Variants in FRAS1 observed in about 807,000 individuals in gnomAD.
FRAS1 encodes extracellular matrix organizing protein FRAS1.
Under a neutral mutation model 435.2 loss-of-function variants are expected in FRAS1, and 290 were observed. The observed-to-expected ratio is 0.67, with a 90% CI of 0.61 to 0.73. The LOEUF is 0.73. Ranked by LOEUF, FRAS1 falls within the 30% of genes least tolerant of loss-of-function variation. The pLI, the probability that FRAS1 is intolerant of heterozygous loss-of-function variation, is 0.00. For synonymous variants in FRAS1, 1,800 were observed against 1,851.0 expected (o/e 0.97, Z 0.71); for missense variants, 4,860 against 5,001.5 (o/e 0.97, Z 0.85).
Position 78,254,915 on chromosome 4 carries a change from C to T in FRAS1, c.470-327C>T, listed in dbSNP as rs149244381. On this transcript the variant is annotated intron_variant, in intron 5 of 73. Coordinates refer to ENST00000512123, the MANE Select transcript of FRAS1 (RefSeq NM_025074.7). The stretch of plus-strand genomic sequence containing the variant: ...CTACCCTGTGACTTGGTGCATAGGG[C>T]GCATGCAACCTCCTGGCACCAGCCC... Among the ~76,000 whole-genome samples the T allele has an allele frequency of 2.4e-4, 37 of 152,158 alleles. 1 individual carries two copies. Among genetic ancestry groups the T allele is most frequent in the African/African-American group, 6.7e-4 (28 of 41,502 alleles).
intron 2 of FRAS1, among the ~76,000 whole-genome samples, chr4:78,086,385 C>T (rs1320627782): frequency 6.6e-6 from 1 of 152,102 alleles, no homozygotes; most frequent in African/African-American, 2.4e-5. Flanking sequence ...CAAGAGCAAA[C>T]ACATTCAAAA....
chr4:78,404,417 A>G (rs1733023398), intron 30 of FRAS1, among the ~76,000 whole-genome samples: 1 of 151,968 alleles, frequency 6.6e-6, no homozygotes. Flanking sequence ...CAAAAAAAAA[A>G]AAAAAGAAGA....
intron 42 of FRAS1, chr4:78,446,276 A>AG: frequency 2.0e-6 from 2 of 1,006,622 alleles, no homozygotes; most frequent in Non-Finnish European, 2.4e-6. Flanking sequence ...AGTGGTGGAA[A>AG]GGGGCTGGCA....
At chr4:78,527,058 G>GA (rs1478664774) in intron 70 of FRAS1, among the ~76,000 whole-genome samples, 2 of 152,110 alleles carry the variant, frequency 1.3e-5, no homozygotes, top group Non-Finnish European at 2.9e-5. Flanking sequence ...CAATAGAAAT[G>GA]AATCAACAAT....
At chr4:78,149,262 T>G (rs547973812) in intron 2 of FRAS1, among the ~76,000 whole-genome samples, 2 of 152,344 alleles carry the variant, frequency 1.3e-5, no homozygotes, top group South Asian at 2.1e-4. Context: ...TGCAGTGGGC[T>G]TAATATCTGA....
chr4:78,165,441 A>T (rs1721298069), intron 2 of FRAS1, among the ~76,000 whole-genome samples: 1 of 152,206 alleles, frequency 6.6e-6, no homozygotes, highest in Non-Finnish European at 1.5e-5. Context: ...TTGAGTTTGA[A>T]TTTTAGCTTT....
intron 4 of FRAS1, among the ~76,000 whole-genome samples, chr4:78,247,915 G>A (rs1165996748): frequency 6.6e-6 from 1 of 152,184 alleles, no homozygotes; most frequent in Non-Finnish European, 1.5e-5. Context: ...GGTGTGGCAG[G>A]AGGGGAGGCA....
At chr4:78,520,683 CA>C (rs964995903) in intron 67 of FRAS1, among the ~76,000 whole-genome samples, 3 of 152,150 alleles carry the variant, frequency 2.0e-5, no homozygotes, top group East Asian at 1.9e-4. Flanking sequence ...GAAATAATGA[CA>C]AAAAAATCTA....
chr4:78,472,638 TAAC>T lies in FRAS1; in HGVS notation c.7522+314_7522+316del, dbSNP rs531448907. On this transcript the variant is annotated intron_variant, in intron 52 of 73. Coordinates refer to ENST00000512123, the MANE Select transcript of FRAS1 (RefSeq NM_025074.7). ...GCTGCTTGGTTTTCTTTAAAAACAA[TAAC>T]AACAAGAAAGCAAAAAATAACAAGC... Among the ~76,000 whole-genome samples the T allele has an allele frequency of 3.3e-5, 5 of 152,246 alleles. No homozygotes were observed. The East Asian group carries it at 7.7e-4, about 24-fold the overall frequency.
chr4:78,450,077 C>T, intron 44 of FRAS1, 74 bp from the exon 45 acceptor site: 1 of 1,186,688 alleles, frequency 8.4e-7, no homozygotes. Context: ...AGCCTCCAGT[C>T]TCCTAAAATC....
At chr4:78,462,253 T>C (rs1719391971) in intron 47 of FRAS1, among the ~76,000 whole-genome samples, 1 of 152,124 alleles carries the variant, frequency 6.6e-6, no homozygotes, top group African/African-American at 2.4e-5. Flanking sequence ...CGTGTGCCTG[T>C]AATTCCAGCT....
chr4:78,509,104 G>A (rs1720948899), intron 63 of FRAS1, 98 bp downstream of exon 63: 5 of 1,329,578 alleles, frequency 3.8e-6, no homozygotes, highest in Non-Finnish European at 5.3e-6. Context: ...GTCCATGCAT[G>A]GCATTTGGAA....
At chr4:78,254,688 C>A (rs570386768) in intron 5 of FRAS1, among the ~76,000 whole-genome samples, 199 of 152,204 alleles carry the variant, frequency 1.3e-3, no homozygotes, top group Middle Eastern at 0.01. Context: ...CTGGGGCCAA[C>A]AACATAATTT....
intron 19 of FRAS1, among the ~76,000 whole-genome samples, chr4:78,336,790 C>T (rs1019797667): frequency 1.3e-5 from 2 of 152,192 alleles, no homozygotes; most frequent in African/African-American, 4.8e-5. Flanking sequence ...AGCTCCAGCC[C>T]TTCACATCCC....
At chr4:78,407,311 T>C (rs1214750532) in intron 30 of FRAS1, among the ~76,000 whole-genome samples, 2 of 152,224 alleles carry the variant, frequency 1.3e-5, no homozygotes, top group African/African-American at 4.8e-5. Flanking sequence ...AAGTTGTGCA[T>C]AGAAATGAAT....
chr4:78,094,104 GTTTTTTTTT>G (rs71214395), intron 2 of FRAS1, among the ~76,000 whole-genome samples: 1 of 106,634 alleles, frequency 9.4e-6, no homozygotes, highest in Non-Finnish European at 1.9e-5. Flanking sequence ...GAATAACCAA[GTTTTTTTTT>G]TTTTTTTTTT....
Position 78,282,905 on chromosome 4 carries a change from CA to C in FRAS1, c.1194del (p.Cys399ValfsTer8). 1 of 1,611,878 alleles carries C rather than the reference CA, an allele frequency of 6.2e-7. No individual in the cohort carries two copies. Among genetic ancestry groups the C allele is most frequent in the South Asian group, 1.1e-5 (1 of 90,682 alleles). On this transcript the variant is annotated frameshift_variant, in exon 12 of 74. Coordinates refer to ENST00000512123, the MANE Select transcript of FRAS1 (RefSeq NM_025074.7). LOFTEE classifies it high-confidence loss of function. The stretch of plus-strand genomic sequence containing the variant: ...ACTTGCTACGAGCCCTCTTGCCCAC[CA>C]TGTCCAGTGGGCACACTGGCCTTAG... ...QVTCYEPSCP[P>X]CPVGTLALEV...
Position 78,543,734 on chromosome 4 carries a change from T to C in FRAS1, c.*2610T>C, listed in dbSNP as rs1722126591. 6.6e-6 allele frequency: 1 copy of C among 152,262 alleles called. No homozygotes were observed. Among genetic ancestry groups the C allele is most frequent in the Non-Finnish European group, 1.5e-5 (1 of 68,050 alleles). The allele number at this position is 152,262 out of a possible 1,614,324, so 9.4% of individuals were successfully genotyped here. On this transcript the variant is annotated 3_prime_UTR_variant, in exon 74 of 74. Transcript: ENST00000512123. ...TCATTTGGTTTGTTTCATACTTCAT[T>C]ATAGGAATCAAGTAATTTGATGACT... is the stretch of plus-strand genomic sequence containing the variant.
chr4:78,218,719 G>T (rs967809740), intron 2 of FRAS1, among the ~76,000 whole-genome samples: 3 of 152,188 alleles, frequency 2.0e-5, no homozygotes, highest in Non-Finnish European at 4.4e-5. Context: ...TGTTGATCCA[G>T]CACTGTTCCA....
Sources: gnomAD v4.1 joint callset for allele counts (sites outside exome capture counted in the v4.1 genomes callset) on GRCh38, gnomAD v4.1.1 for gene constraint, MANE v1.5 for transcripts, NCBI Gene and HGNC (gene_info 2026-07-23, HGNC 2026-07-21) for gene names.